Variants in MAP4K3 observed in about 807,000 individuals in gnomAD.
MAP4K3 encodes the protein mitogen-activated protein kinase kinase kinase kinase 3, also known as MAPK/ERK kinase kinase kinase 3.
In MAP4K3, 94 loss-of-function variants were observed where a neutral mutation model predicts 143.5. The ratio of observed to expected loss-of-function variants is 0.65; its 90% CI spans 0.55 to 0.78. The LOEUF is 0.78. MAP4K3 is among the 30% of genes least tolerant of loss of function. The pLI is 0.00. For missense variants in MAP4K3, 1,077 were observed against 1,068.1 expected, an observed-to-expected ratio of 1.01 and a Z score of -0.12; for synonymous variants, 416 against 347.2, an observed-to-expected ratio of 1.20 and a Z score of -2.20.
chr2:39,267,497 C>A lies in MAP4K3; in HGVS notation c.1974-250G>T, dbSNP rs1252341279. On this transcript the variant is annotated intron_variant, in intron 26 of 33. Coordinates refer to ENST00000263881, the MANE Select transcript of MAP4K3 (RefSeq NM_003618.4). Reference sequence around the variant, plus strand: ...ACCAGCCTGGCCAACATAATAAAACCCCGTCTCTACTAAAAATACAAAAAA... The same window carrying A: ...ACCAGCCTGGCCAACATAATAAAACACCGTCTCTACTAAAAATACAAAAAA... The A allele has an allele frequency of 1.1e-5, 4 of 353,446 alleles. No individual in the cohort carries two copies. In the East Asian group the frequency reaches 2.2e-4, roughly 19 times the overall value. The allele number at this position is 353,446 out of a possible 1,614,324, so 21.9% of individuals were successfully genotyped here.
intron 3 of MAP4K3, among the ~76,000 whole-genome samples, chr2:39,350,592 A>G (rs973860513): frequency 6.6e-6 from 1 of 152,218 alleles, no homozygotes; most frequent in African/African-American, 2.4e-5. Flanking sequence ...TTCCCTTCTT[A>G]GCACTGTCTC....
chr2:39,293,374 ACTT>A, intron 16 of MAP4K3, 106 bp from the exon 17 acceptor site: 1 of 747,324 alleles, frequency 1.3e-6, no homozygotes, highest in Non-Finnish European at 2.2e-6. Flanking sequence ...TTGAATGATT[ACTT>A]TTTTACCATT....
At chr2:39,390,879 T>C (rs1666632981) in intron 1 of MAP4K3, among the ~76,000 whole-genome samples, 1 of 152,058 alleles carries the variant, frequency 6.6e-6, no homozygotes, top group African/African-American at 2.4e-5. Context: ...ATAAACACGA[T>C]GGGAAAGTCT....
chr2:39,436,685 T>C, intron 1 of MAP4K3: 1 of 563,850 alleles, frequency 1.8e-6, no homozygotes, highest in South Asian at 2.1e-5. Flanking sequence ...CCGGGGGGGC[T>C]CAGGTAAGGG....
chr2:39,356,833 T>A (rs1665624447), intron 2 of MAP4K3, among the ~76,000 whole-genome samples: 1 of 152,210 alleles, frequency 6.6e-6, no homozygotes, highest in Admixed American at 6.5e-5. Flanking sequence ...GTAAATTACT[T>A]TTTCCTTTAT....
intron 1 of MAP4K3, among the ~76,000 whole-genome samples, chr2:39,405,571 C>CTAA (rs1667071736): frequency 6.6e-6 from 1 of 152,114 alleles, no homozygotes; most frequent in African/African-American, 2.4e-5. Context: ...ATCAAACAAA[C>CTAA]TAAATAAGAC....
At chr2:39,407,408 A>C (rs1352427643) in intron 1 of MAP4K3, among the ~76,000 whole-genome samples, 3 of 152,186 alleles carry the variant, frequency 2.0e-5, no homozygotes, top group Admixed American at 2.0e-4. Flanking sequence ...ATGGTTTGAT[A>C]ATCTGAAGAA....
At chr2:39,419,686 T>C (rs1165397346) in intron 1 of MAP4K3, among the ~76,000 whole-genome samples, 1 of 152,178 alleles carries the variant, frequency 6.6e-6, no homozygotes, top group East Asian at 1.9e-4. Context: ...TATTGGTGAA[T>C]TAACATCACA....
At chr2:39,353,078 CAA>C (rs768485245) in intron 3 of MAP4K3, among the ~76,000 whole-genome samples, 17 of 152,028 alleles carry the variant, frequency 1.1e-4, no homozygotes, top group Admixed American at 7.2e-4. Flanking sequence ...TACAGTATGC[CAA>C]AAAAGACATC....
intron 16 of MAP4K3, among the ~76,000 whole-genome samples, chr2:39,293,608 G>C (rs548625639): frequency 6.6e-6 from 1 of 152,196 alleles, no homozygotes; most frequent in Admixed American, 6.5e-5. Context: ...GTCATAGCCA[G>C]GAGTCTCCAG....
Position 39,325,643 on chromosome 2 carries a change from T to C in MAP4K3, c.808-15A>G. On this transcript the variant is annotated splice_polypyrimidine_tract_variant and intron_variant, in intron 11 of 33. Transcript: ENST00000263881. Reference sequence around the variant, plus strand: ...ACAAAAGGATGCTATAAAAATTAAATACAATGCAGAACACTTACTATAAAT... The same window carrying C: ...ACAAAAGGATGCTATAAAAATTAAACACAATGCAGAACACTTACTATAAAT... 1 of 1,596,408 alleles carries C rather than the reference T, an allele frequency of 6.3e-7. No individual in the cohort carries two copies. Among genetic ancestry groups the C allele is most frequent in the Non-Finnish European group, 8.6e-7 (1 of 1,164,632 alleles).
At chr2:39,264,921 CT>C (rs1176310220) in intron 28 of MAP4K3, among the ~76,000 whole-genome samples, 1 of 152,192 alleles carries the variant, frequency 6.6e-6, no homozygotes, top group Admixed American at 6.5e-5. Context: ...AAATATTTCA[CT>C]GATCTTTTAG....
intron 21 of MAP4K3, among the ~76,000 whole-genome samples, chr2:39,286,205 G>T (rs1040225369): frequency 3.9e-5 from 6 of 152,212 alleles, no homozygotes; most frequent in African/African-American, 1.4e-4. Flanking sequence ...TTACATTCGT[G>T]TAAGCAGCGT....
intron 1 of MAP4K3, among the ~76,000 whole-genome samples, chr2:39,383,829 T>C (rs1215046634): frequency 1.3e-5 from 2 of 152,108 alleles, no homozygotes; most frequent in Non-Finnish European, 1.5e-5. Context: ...CATAGCCACA[T>C]GTACATGGCT....
intron 3 of MAP4K3, 67 bp downstream of exon 3, chr2:39,356,182 T>G: frequency 1.1e-6 from 1 of 910,920 alleles, no homozygotes; most frequent in Non-Finnish European, 1.7e-6. Context: ...AAAACTAACT[T>G]TATTTTGTTT....
intron 1 of MAP4K3, among the ~76,000 whole-genome samples, chr2:39,409,513 G>C (rs1317743879): frequency 6.6e-6 from 1 of 152,136 alleles, no homozygotes; most frequent in East Asian, 1.9e-4. Flanking sequence ...AGAATCATTT[G>C]AACCCAGAAG....
chr2:39,325,735 A>G lies in MAP4K3; in HGVS notation c.802T>C (p.Leu268=), dbSNP rs1383550474. ...PKKRPTAEKL[L]QHPFVTQHLT... ...TTTCAGGGCAAAAATAATACCTGTA[A>G]TAATTTTTCAGCAGTAGGTCTTTTT... is the stretch of plus-strand genomic sequence containing the variant. The change falls in exon 11 of 34, where the codon TTA becomes CTA. Residue 268 remains leucine, a synonymous_variant. Coordinates refer to ENST00000263881, the MANE Select transcript of MAP4K3 (RefSeq NM_003618.4). 2.5e-6 allele frequency: 4 copies of G among 1,605,360 alleles called. No individual in the cohort carries two copies. The highest frequency in any genetic ancestry group is 3.4e-6 in the Non-Finnish European group (4 of 1,175,494).
chr2:39,288,454 T>C (rs114286784), intron 19 of MAP4K3, among the ~76,000 whole-genome samples, 174 bp from the exon 20 acceptor site: 1,567 of 152,310 alleles, frequency 0.01, 25 homozygotes, highest in African/African-American at 0.036. Flanking sequence ...GTTTTAAATA[T>C]ATTCTAAAAA....
intron 3 of MAP4K3, among the ~76,000 whole-genome samples, chr2:39,346,538 T>C (rs972084261): frequency 2.0e-5 from 3 of 152,198 alleles, no homozygotes; most frequent in Non-Finnish European, 4.4e-5. Context: ...ACACATTGCA[T>C]TAGGTTTAAT....
Sources: gnomAD v4.1 joint callset for allele counts (sites outside exome capture counted in the v4.1 genomes callset) on GRCh38, gnomAD v4.1.1 for gene constraint, MANE v1.5 for transcripts, NCBI Gene and HGNC (gene_info 2026-07-23, HGNC 2026-07-21) for gene names.